RTN4RL1: variants seen among roughly 807,000 people sequenced by gnomAD.
RTN4RL1 encodes the protein reticulon-4 receptor-like 1.
RTN4RL1 carries 7 observed loss-of-function variants against 25.6 expected under a neutral mutation model. The observed-to-expected ratio is 0.27, with a 90% CI of 0.16 to 0.51. The LOEUF (loss-of-function observed/expected upper bound fraction) is 0.51. RTN4RL1 is among the 20% of genes least tolerant of loss of function. The probability of loss-of-function intolerance (pLI) is 0.97; values close to 1 mark genes in which losing one functional copy is unlikely to be tolerated. For synonymous variants in RTN4RL1, 297 were observed against 288.2 expected (o/e 1.03, Z -0.31); for missense variants, 500 against 615.6 (o/e 0.81, Z 1.99).
chr17:2,019,910 C>T (rs552294669), intron 1 of RTN4RL1: 1 of 152,410 alleles, frequency 6.6e-6, no homozygotes, highest in Admixed American at 6.5e-5. Context: ...TCACAGGGAA[C>T]ATCCCTCTGC....
chr17:1,936,859 G>A lies in RTN4RL1; in HGVS notation c.963C>T (p.Thr321=), dbSNP rs1395874156. ...GGTGTTCCTTGCGGGCGGCCCTGTC[G>A]GTGGTGGTGAGCGTGTGTGACTTGA... ...HQIKSHTLTT[T]DRAARKEHHS... The change falls in exon 2 of 2, where the codon ACC becomes ACT. Residue 321 remains threonine, a synonymous_variant. Coordinates refer to ENST00000331238, the MANE Select transcript of RTN4RL1 (RefSeq NM_178568.4). 20 of 1,591,658 alleles carry A rather than the reference G, an allele frequency of 1.3e-5. No individual in the cohort carries two copies. The African/African-American group carries it at 1.3e-4, about 11-fold the overall frequency.
chr17:1,965,119 T>A (rs946878581), intron 1 of RTN4RL1, among the ~76,000 whole-genome samples: 57 of 150,048 alleles, frequency 3.8e-4, no homozygotes, highest in African/African-American at 1.3e-3. Flanking sequence ...TCTTTCTTTT[T>A]TTTTTTTGAG....
At chr17:1,990,321 C>T (rs1432323532) in intron 1 of RTN4RL1, among the ~76,000 whole-genome samples, 2 of 151,538 alleles carry the variant, frequency 1.3e-5, no homozygotes, top group African/African-American at 4.9e-5. Context: ...GAGCCGAGAT[C>T]GAGCCACTGC....
At chr17:2,004,096 C>T (rs552070429) in intron 1 of RTN4RL1, among the ~76,000 whole-genome samples, 5 of 149,676 alleles carry the variant, frequency 3.3e-5, no homozygotes, top group East Asian at 2.0e-4. Context: ...AGGCCGGGCG[C>T]GGTGGCTCAC....
intron 1 of RTN4RL1, among the ~76,000 whole-genome samples, chr17:1,949,592 G>A (rs981166761): frequency 6.6e-6 from 1 of 152,222 alleles, no homozygotes; most frequent in African/African-American, 2.4e-5. Flanking sequence ...AGAGCTCTGA[G>A]CGCAGCCCAG....
chr17:1,944,061 G>A (rs1174053741), intron 1 of RTN4RL1, among the ~76,000 whole-genome samples: 1 of 152,114 alleles, frequency 6.6e-6, no homozygotes, highest in Non-Finnish European at 1.5e-5. Context: ...AGACAGCTTG[G>A]AATATAGGCC....
chr17:1,997,482 A>G (rs1414065060), intron 1 of RTN4RL1, among the ~76,000 whole-genome samples: 3 of 152,230 alleles, frequency 2.0e-5, no homozygotes, highest in Non-Finnish European at 4.4e-5. Context: ...GCTCTCTGGA[A>G]TGCGATCCCT....
At chr17:1,979,110 TA>T (rs201517769) in intron 1 of RTN4RL1, among the ~76,000 whole-genome samples, 263 of 152,274 alleles carry the variant, frequency 1.7e-3, no homozygotes, top group East Asian at 3.9e-3. Context: ...CCATCTCTAC[TA>T]AAAATGCAAA....
chr17:2,011,030 T>C (rs572303634), intron 1 of RTN4RL1, among the ~76,000 whole-genome samples: 1 of 152,104 alleles, frequency 6.6e-6, no homozygotes, highest in South Asian at 2.1e-4. Context: ...GGCAGGCGGA[T>C]CACCTGAGGT....
intron 1 of RTN4RL1, among the ~76,000 whole-genome samples, chr17:2,008,278 A>C (rs947623062): frequency 1.3e-5 from 2 of 152,100 alleles, no homozygotes; most frequent in Admixed American, 1.3e-4. Context: ...TCAAAAAAAA[A>C]AAAAAGACCA....
At chr17:1,957,437 C>A (rs1396110242) in intron 1 of RTN4RL1, among the ~76,000 whole-genome samples, 1 of 152,192 alleles carries the variant, frequency 6.6e-6, no homozygotes, top group Non-Finnish European at 1.5e-5. Context: ...GTGTGCCAGG[C>A]CTACCCACGC....
chr17:1,970,723 G>T (rs533647170), intron 1 of RTN4RL1, among the ~76,000 whole-genome samples: 1 of 152,294 alleles, frequency 6.6e-6, no homozygotes, highest in East Asian at 1.9e-4. Flanking sequence ...GGGTCCGACA[G>T]ATGGACAGAA....
At chr17:1,962,066 G>C (rs1000373908) in intron 1 of RTN4RL1, among the ~76,000 whole-genome samples, 2 of 151,070 alleles carry the variant, frequency 1.3e-5, no homozygotes, top group Admixed American at 6.6e-5. Flanking sequence ...AGGATCACTT[G>C]AGTCCAGGGG....
At chr17:2,015,190 C>G (rs543699378) in intron 1 of RTN4RL1, among the ~76,000 whole-genome samples, 2 of 151,972 alleles carry the variant, frequency 1.3e-5, no homozygotes, top group Non-Finnish European at 2.9e-5. Flanking sequence ...GGCAGGGCTT[C>G]GCGAGGCACG....
In RTN4RL1 at chr17:1,936,647, A is replaced by T. The variant is rs765970850; in HGVS notation, c.1175T>A (p.Ile392Asn). The change falls in exon 2 of 2, where the codon ATC becomes AAC. Residue 392 changes from isoleucine to asparagine, a missense_variant. Around this residue, in one of 2 missense-constraint regions of RTN4RL1, gnomAD observed 268 missense variants for 274.5 expected, o/e 0.98. Coordinates refer to ENST00000331238, the MANE Select transcript of RTN4RL1 (RefSeq NM_178568.4). The stretch of plus-strand genomic sequence containing the variant: ...CCTCTTGGGCCGGGCCGTAGGCATG[A>T]TGTCAAAACTGAACTTGTGCTGGTA... ...PDYQHKFSFD[I>N]MPTARPKRKG... is the part of the protein sequence containing the mutation. 2 of 1,591,212 alleles carry T rather than the reference A, an allele frequency of 1.3e-6. No individual in the cohort carries two copies. Among genetic ancestry groups the T allele is most frequent in the South Asian group, 1.1e-5 (1 of 87,702 alleles).
intron 1 of RTN4RL1, among the ~76,000 whole-genome samples, chr17:1,958,783 C>T (rs1033395854): frequency 1.3e-5 from 2 of 152,240 alleles, no homozygotes; most frequent in Admixed American, 6.5e-5. Context: ...TGGGTTCACA[C>T]GTCCTCCTCC....
chr17:1,954,034 G>A (rs1223769222), intron 1 of RTN4RL1, among the ~76,000 whole-genome samples: 2 of 152,204 alleles, frequency 1.3e-5, no homozygotes, highest in South Asian at 2.1e-4. Flanking sequence ...AGAGTAAAAC[G>A]GAGAGAACCT....
intron 1 of RTN4RL1, among the ~76,000 whole-genome samples, chr17:2,002,256 CTTTT>C (rs1338684052): frequency 6.6e-6 from 1 of 150,436 alleles, no homozygotes; most frequent in South Asian, 2.1e-4. Flanking sequence ...TCCCTCCTTT[CTTTT>C]TTCTTTCTCT....
chr17:1,936,156 A>G lies in RTN4RL1; in HGVS notation c.*340T>C, dbSNP rs1370979836. The G allele has an allele frequency of 2.9e-5, 32 of 1,112,380 alleles. No homozygotes were observed. The highest frequency in any genetic ancestry group is 3.3e-5 in the African/African-American group (2 of 60,796). The allele number at this position is 1,112,380 out of a possible 1,614,324, so 68.9% of individuals were successfully genotyped here. Reference sequence around the variant, plus strand: ...CCTCTCGGAACGATCGGGATTCCACAGAGCCCCGGTGCCGCCGTCGGGGGC... The same window carrying G: ...CCTCTCGGAACGATCGGGATTCCACGGAGCCCCGGTGCCGCCGTCGGGGGC... On this transcript the variant is annotated 3_prime_UTR_variant, in exon 2 of 2. Coordinates refer to ENST00000331238, the MANE Select transcript of RTN4RL1 (RefSeq NM_178568.4).
Sources: gnomAD v4.1 joint callset for allele counts (sites outside exome capture counted in the v4.1 genomes callset) on GRCh38, gnomAD v4.1.1 for gene constraint, gnomAD v4.1.1 regional missense constraint, MANE v1.5 for transcripts, NCBI Gene and HGNC (gene_info 2026-07-23, HGNC 2026-07-21) for gene names.